CD82: variants seen among roughly 807,000 people sequenced by gnomAD.
The protein encoded by CD82 is CD82 antigen.
CD82 carries 36 observed loss-of-function variants against 37.4 expected under a neutral mutation model. That is an observed-to-expected ratio of 0.96 (90% CI 0.74 to 1.27). The LOEUF (loss-of-function observed/expected upper bound fraction) is 1.27, where lower values mean the gene tolerates loss of function less well. CD82 is among the 50% of genes most tolerant of loss of function. The probability of loss-of-function intolerance (pLI) is 0.00; values close to 1 mark genes in which losing one functional copy is unlikely to be tolerated. For missense variants in CD82, 340 were observed against 347.0 expected (o/e 0.98, Z 0.16); for synonymous variants, 158 against 137.4 (o/e 1.15, Z -1.05).
At chr11:44,583,014 G>A in intron 1 of CD82, among the ~76,000 whole-genome samples, 1 of 152,186 alleles carries the variant, frequency 6.6e-6, no homozygotes, top group African/African-American at 2.4e-5. Context: ...AGAAGGGGTG[G>A]GGGTAGGGGT....
At chr11:44,578,821 T>A (rs985405907) in intron 1 of CD82, among the ~76,000 whole-genome samples, 3 of 152,186 alleles carry the variant, frequency 2.0e-5, no homozygotes, top group African/African-American at 7.2e-5. Context: ...GCATAGGGAC[T>A]GTCCCCACTG....
rs201290700 is a variant in CD82 at position 44,618,662 on chromosome 11, C to T, written c.665C>T (p.Ala222Val). 1.2e-4 allele frequency: 190 copies of T among 1,612,638 alleles called. 1 individual carries two copies. The highest frequency in any genetic ancestry group is 8.3e-4 in the Middle Eastern group (5 of 6,060). The change falls in exon 9 of 10, where the codon GCG becomes GTG. Residue 222 changes from alanine (A) to valine (V), a missense_variant. By Grantham distance (64) the Ala-to-Val change is moderately conservative (BLOSUM62 0). Coordinates refer to ENST00000227155, the MANE Select transcript of CD82 (RefSeq NM_002231.4). ...CAGGGCTGCATGGAGAAGGTGCAGG[C>T]GTGGCTGCAGGAGAACCTGGGCATC... The part of the protein sequence containing the change: ...YQEGCMEKVQ[A>V]WLQENLGIIL...
In CD82 at chr11:44,581,728, C is replaced by G. The variant is rs984350860; in HGVS notation, c.-102-5747C>G. ...GCGCAGAAGGGCCACTTGGGAGGCC[C>G]CTGGGAGGGCAGCCCCTCAGGCCCT... On this transcript the variant is annotated intron_variant, in intron 1 of 9. Coordinates refer to ENST00000227155, the MANE Select transcript of CD82 (RefSeq NM_002231.4). Among the ~76,000 whole-genome samples the G allele has an allele frequency of 2.6e-5, 4 of 152,244 alleles. No individual in the cohort carries two copies. The East Asian group carries it at 7.7e-4, about 29-fold the overall frequency.
chr11:44,598,277 A>C (rs1161346918), intron 3 of CD82, among the ~76,000 whole-genome samples: 2 of 152,084 alleles, frequency 1.3e-5, no homozygotes, highest in Non-Finnish European at 2.9e-5. Flanking sequence ...GGGTAAAGGG[A>C]GAGAGGCAAC....
At chr11:44,596,327 C>T (rs1018769423) in intron 3 of CD82, among the ~76,000 whole-genome samples, 15 of 152,234 alleles carry the variant, frequency 9.9e-5, no homozygotes, top group Admixed American at 4.6e-4. Flanking sequence ...GGCCAGGACT[C>T]GGGGGAAGGG....
chr11:44,619,114 C>G lies in CD82; in HGVS notation c.792C>G (p.Val264=). 1 of 1,613,404 alleles carries G rather than the reference C, an allele frequency of 6.2e-7. No homozygotes were observed. Among genetic ancestry groups the G allele is most frequent in the African/African-American group, 1.3e-5 (1 of 74,902 alleles). The part of the protein sequence containing the change: ...RHVHSEDYSK[V]PKY ...TCCATTCCGAAGACTACAGCAAGGT[C>G]CCCAAGTACTGAGGCAGCTGCTATC... The change falls in exon 10 of 10, where the codon GTC becomes GTG. Residue 264 remains valine, a synonymous_variant. Coordinates refer to ENST00000227155, the MANE Select transcript of CD82 (RefSeq NM_002231.4).
At chr11:44,565,137 G>C (rs1403725545), upstream of CD82, among the ~76,000 whole-genome samples, 2 of 152,220 alleles carry the variant, frequency 1.3e-5, no homozygotes, top group Non-Finnish European at 2.9e-5. Flanking sequence ...GGGGGCCCCA[G>C]GGCTACCCGC....
chr11:44,603,534 G>T (rs1286670554), intron 4 of CD82, among the ~76,000 whole-genome samples: 1 of 152,200 alleles, frequency 6.6e-6, no homozygotes, highest in Admixed American at 6.5e-5. Flanking sequence ...TTGGCCTCCT[G>T]CTGGGAGCGT....
At chr11:44,570,086 C>T (rs1242609520) in intron 1 of CD82, among the ~76,000 whole-genome samples, 3 of 152,256 alleles carry the variant, frequency 2.0e-5, no homozygotes, top group African/African-American at 7.2e-5. Flanking sequence ...TCCTTCTGCA[C>T]AGGGCCTCTG....
At chr11:44,616,285 C>T (rs1385182949) in intron 7 of CD82, among the ~76,000 whole-genome samples, 1 of 152,098 alleles carries the variant, frequency 6.6e-6, no homozygotes, top group Admixed American at 6.5e-5. Flanking sequence ...TGTTTTCTGG[C>T]CCTGACCGAG....
At chr11:44,574,866 T>G (rs1264763033) in intron 1 of CD82, among the ~76,000 whole-genome samples, 2 of 152,244 alleles carry the variant, frequency 1.3e-5, no homozygotes, top group Non-Finnish European at 2.9e-5. Context: ...CATAGGAATC[T>G]TCTGTGACCT....
chr11:44,590,329 C>T (rs1237514016), intron 2 of CD82, among the ~76,000 whole-genome samples: 2 of 151,648 alleles, frequency 1.3e-5, no homozygotes, highest in African/African-American at 4.8e-5. Flanking sequence ...GAAATCTGGG[C>T]CGGGCACAGT....
At chr11:44,585,068 T>A in intron 1 of CD82, 1 of 380,580 alleles carries the variant, frequency 2.6e-6, no homozygotes, top group Non-Finnish European at 5.2e-6. Flanking sequence ...CAGTTCCCAG[T>A]GGCACAGCCT....
At chr11:44,599,863 G>A (rs556554923) in intron 3 of CD82, among the ~76,000 whole-genome samples, 7 of 152,358 alleles carry the variant, frequency 4.6e-5, no homozygotes, top group African/African-American at 1.4e-4. Flanking sequence ...GCCAGGAGAT[G>A]TGGCAGGAAG....
At chr11:44,615,546 T>G (rs1341693808) in intron 7 of CD82, among the ~76,000 whole-genome samples, 173 bp downstream of exon 7, 1 of 152,212 alleles carries the variant, frequency 6.6e-6, no homozygotes, top group Non-Finnish European at 1.5e-5. Flanking sequence ...CACAACTCCC[T>G]GCTCAGGGGG....
intron 1 of CD82, among the ~76,000 whole-genome samples, chr11:44,585,834 T>C (rs1853046439): frequency 6.6e-6 from 1 of 152,236 alleles, no homozygotes; most frequent in Admixed American, 6.5e-5. Context: ...CATCTCTTGC[T>C]CTCTCTGCCT....
intron 1 of CD82, among the ~76,000 whole-genome samples, chr11:44,581,082 T>G (rs1852972444): frequency 6.6e-6 from 1 of 152,240 alleles, no homozygotes; most frequent in Admixed American, 6.5e-5. Flanking sequence ...AGCTGGTCAC[T>G]GGTGCCTAAT....
At chr11:44,591,806 G>A (rs1299323105) in intron 2 of CD82, among the ~76,000 whole-genome samples, 1 of 148,610 alleles carries the variant, frequency 6.7e-6, no homozygotes, top group Non-Finnish European at 1.5e-5. Flanking sequence ...CCTTACAGAC[G>A]TCATACTTAC....
In CD82 at chr11:44,619,219, C is replaced by A; in HGVS notation, c.*93C>A. The A allele has an allele frequency of 1.0e-6, 1 of 1,003,308 alleles. No individual in the cohort carries two copies. The allele number at this position is 1,003,308 out of a possible 1,614,324, so 62.2% of individuals were successfully genotyped here. ...CCTCCTCCAGGCCTGCCTCCCACTT[C>A]ACTGCGAAGACCCTCTTGCCCATCC... On this transcript the variant is annotated 3_prime_UTR_variant, in exon 10 of 10. Coordinates refer to ENST00000227155, the MANE Select transcript of CD82 (RefSeq NM_002231.4).
Sources: gnomAD v4.1 joint callset for allele counts (sites outside exome capture counted in the v4.1 genomes callset) on GRCh38, gnomAD v4.1.1 for gene constraint, MANE v1.5 for transcripts, NCBI Gene and HGNC (gene_info 2026-07-23, HGNC 2026-07-21) for gene names.